CCDC85C: variants seen among roughly 807,000 people sequenced by gnomAD.
CCDC85C encodes coiled-coil domain-containing protein 85C.
A neutral mutation model predicts 38.3 loss-of-function variants in CCDC85C; 18 were observed. The ratio of observed to expected loss-of-function variants is 0.47; its 90% CI spans 0.33 to 0.70. The LOEUF is 0.70. Ranked by LOEUF, CCDC85C falls within the 30% of genes least tolerant of loss-of-function variation. CCDC85C has a pLI of 0.03. For missense variants in CCDC85C, 566 were observed against 621.2 expected (o/e 0.91, Z 0.94); for synonymous variants, 264 against 293.8 (o/e 0.90, Z 1.04).
In CCDC85C at chr14:99,603,336, C is replaced by T. The variant is rs556644050; in HGVS notation, c.624G>A (p.Thr208=). The change falls in exon 1 of 6, where the codon ACG becomes ACA. Residue 208 remains threonine, a synonymous_variant. Transcript: ENST00000380243. This position sits in a 1 kb window ranked among gnomAD's most constrained non-coding sequence, Gnocchi z 7.5. ...GARDVGDGSS[T]SSAGSGGSPD... is the part of the protein sequence containing the mutation. The stretch of plus-strand genomic sequence containing the variant: ...GGCTGCCGCCGCTGCCCGCGCTGGA[C>T]GTACTGCTGCCGTCGCCCACGTCGC... 33 of 1,320,264 alleles carry T rather than the reference C, an allele frequency of 2.5e-5. No individual in the cohort carries two copies. The South Asian group carries it at 4.6e-4, about 18-fold the overall frequency. 81.8% of individuals were successfully genotyped at this position (1,320,264 alleles called of 1,614,324 possible). A position where few individuals can be genotyped will look rare whatever the true frequency, so the allele number is the denominator to read the frequency against.
intron 1 of CCDC85C, among the ~76,000 whole-genome samples, chr14:99,582,204 T>C (rs1312247264): frequency 1.3e-5 from 2 of 152,158 alleles, no homozygotes; most frequent in Non-Finnish European, 2.9e-5. Context: ...CCCCCATCAC[T>C]GTCAGAAAGG....
In CCDC85C at chr14:99,604,062, G is replaced by C; in HGVS notation, c.-103C>G. ...TCCGCGCGCGGGCGGGGGGCGGCCG[G>C]GGGCGCGTGCGGCCCGCCCCGCGCC... On this transcript the variant is annotated 5_prime_UTR_variant, in exon 1 of 6. Coordinates refer to ENST00000380243, the MANE Select transcript of CCDC85C (RefSeq NM_001144995.2). 1 of 975,132 alleles carries C rather than the reference G, an allele frequency of 1.0e-6. No homozygotes were observed. 60.4% of individuals were successfully genotyped at this position (975,132 alleles called of 1,614,324 possible). A position where few individuals can be genotyped will look rare whatever the true frequency, so the allele number is the denominator to read the frequency against.
intron 2 of CCDC85C, among the ~76,000 whole-genome samples, chr14:99,531,587 G>A (rs111570654): frequency 0.013 from 1,677 of 131,038 alleles, 19 homozygotes; most frequent in Non-Finnish European, 0.02. Context: ...CATGGGTGGG[G>A]GGGGGGGTGG....
At chr14:99,582,746 G>A (rs544818111) in intron 1 of CCDC85C, among the ~76,000 whole-genome samples, 83 of 152,242 alleles carry the variant, frequency 5.5e-4, no homozygotes, top group African/African-American at 1.8e-3. Context: ...ACCAGGGGGC[G>A]GAGGTTGCAG....
Position 99,503,260 on chromosome 14 carries a change from C to A in CCDC85C, c.*11986G>T. ...GTTCTGAAGCCTGTCGGTGTCGTTGCCGTGTCCTAGCAGTGTCGTTGTGCA... is the reference window on the plus strand; with the variant it reads ...GTTCTGAAGCCTGTCGGTGTCGTTGACGTGTCCTAGCAGTGTCGTTGTGCA... On this transcript the variant is annotated 3_prime_UTR_variant, in exon 6 of 6. Transcript: ENST00000380243. 1 of 639,850 alleles carries A rather than the reference C, an allele frequency of 1.6e-6. No homozygotes were observed. Among genetic ancestry groups the A allele is most frequent in the Non-Finnish European group, 2.8e-6 (1 of 354,062 alleles). 39.6% of individuals were successfully genotyped at this position (639,850 alleles called of 1,614,324 possible).
At chr14:99,541,125 C>G (rs1409565808) in intron 1 of CCDC85C, among the ~76,000 whole-genome samples, 2 of 152,222 alleles carry the variant, frequency 1.3e-5, no homozygotes, top group Non-Finnish European at 2.9e-5. Flanking sequence ...TTCCCTAGCT[C>G]AGCACTTGGC....
At chr14:99,518,646 C>T (rs535281516) in intron 3 of CCDC85C, among the ~76,000 whole-genome samples, 86 of 152,318 alleles carry the variant, frequency 5.6e-4, no homozygotes, top group Admixed American at 5.6e-3. Context: ...GGCACCTACA[C>T]CTTCCTGCAC....
intron 1 of CCDC85C, among the ~76,000 whole-genome samples, chr14:99,575,270 G>A (rs1898449518): frequency 6.6e-6 from 1 of 152,200 alleles, no homozygotes; most frequent in African/African-American, 2.4e-5. Flanking sequence ...CGCCAGGGGA[G>A]TGCCAAGGCC....
intron 1 of CCDC85C, among the ~76,000 whole-genome samples, chr14:99,563,957 C>T (rs949291517): frequency 1.3e-5 from 2 of 152,314 alleles, no homozygotes; most frequent in Admixed American, 6.5e-5. Context: ...TCAAGCATCG[C>T]TTCAAGTAAG....
intron 1 of CCDC85C, among the ~76,000 whole-genome samples, chr14:99,598,045 C>T (rs186584722): frequency 6.6e-6 from 1 of 152,326 alleles, no homozygotes; most frequent in East Asian, 1.9e-4. Flanking sequence ...CTCTCTGACC[C>T]TGGAGGCAGA....
intron 1 of CCDC85C, among the ~76,000 whole-genome samples, chr14:99,561,175 C>CG (rs1566774302): frequency 6.6e-6 from 1 of 152,204 alleles, no homozygotes; most frequent in African/African-American, 2.4e-5. Flanking sequence ...GCCACATGGC[C>CG]GTAGCGGCCC....
chr14:99,541,388 A>G (rs1022023200), intron 1 of CCDC85C, among the ~76,000 whole-genome samples: 1 of 152,210 alleles, frequency 6.6e-6, no homozygotes, highest in Non-Finnish European at 1.5e-5. Context: ...CGCTCCTTGC[A>G]TCTGACTCTG....
At position 99,503,403 on chromosome 14, in the gene CCDC85C, T is replaced by C. The variant is rs1031048834; in HGVS notation, c.*11843A>G. On this transcript the variant is annotated 3_prime_UTR_variant, in exon 6 of 6. Transcript: ENST00000380243. ...TTCAGGAAAGCTAGTCATTCTGTCT[T>C]ATTTGGTAAATGGAAAGAGGAAGGG... The C allele has an allele frequency of 1.7e-6, 1 of 605,812 alleles. No individual in the cohort carries two copies. Among genetic ancestry groups the C allele is most frequent in the East Asian group, 2.7e-5 (1 of 36,460 alleles). The allele number at this position is 605,812 out of a possible 1,614,324, so 37.5% of individuals were successfully genotyped here. A position where few individuals can be genotyped will look rare whatever the true frequency, so the allele number is the denominator to read the frequency against.
chr14:99,573,315 G>A (rs1398550300), intron 1 of CCDC85C, among the ~76,000 whole-genome samples: 1 of 152,204 alleles, frequency 6.6e-6, no homozygotes, highest in African/African-American at 2.4e-5. Context: ...CTGGTGCATG[G>A]GTCGAGGTGC....
In CCDC85C at chr14:99,548,722, G is replaced by A. The variant is rs778872094; in HGVS notation, c.794-12634C>T. 6.6e-6 allele frequency among the ~76,000 whole-genome samples: 1 copy of A among 152,182 alleles called. No homozygotes were observed. Among genetic ancestry groups the A allele is most frequent in the Non-Finnish European group, 1.5e-5 (1 of 68,034 alleles). On this transcript the variant is annotated intron_variant, in intron 1 of 5. Transcript: ENST00000380243. This position sits in a 1 kb window ranked among gnomAD's most constrained non-coding sequence, Gnocchi z 4.9. ...TATAGTCCCAGGTACTCGGGAGACC[G>A]AGGCGGGAGGCGTGCTGGAGCTCAG...
chr14:99,503,539 C>G lies in CCDC85C; in HGVS notation c.*11707G>C, dbSNP rs1896894581. The G allele has an allele frequency of 7.5e-7, 1 of 1,340,050 alleles. No individual in the cohort carries two copies. 83.0% of individuals were successfully genotyped at this position (1,340,050 alleles called of 1,614,324 possible). On this transcript the variant is annotated 3_prime_UTR_variant, in exon 6 of 6. Coordinates refer to ENST00000380243, the MANE Select transcript of CCDC85C (RefSeq NM_001144995.2). ...ACTGCCGTCGCTGATTCTGGTGGTA[C>G]CTGGATAATCCATTTTTTTCTCATC... is the stretch of plus-strand genomic sequence containing the variant.
At position 99,501,223 on chromosome 14, in the gene CCDC85C, T is replaced by A. The variant is rs904479621; in HGVS notation, c.*14023A>T. The A allele has an allele frequency of 1.0e-5, 7 of 669,868 alleles. No individual in the cohort carries two copies. The African/African-American group carries it at 1.2e-4, about 12-fold the overall frequency. The allele number at this position is 669,868 out of a possible 1,614,324, so 41.5% of individuals were successfully genotyped here. ...GGATGTGGACCCACATCATTCATCC[T>A]TGTTTCCCACGCAAAAGCTCTTTGC... On this transcript the variant is annotated 3_prime_UTR_variant, in exon 6 of 6. Transcript: ENST00000380243.
Position 99,603,555 on chromosome 14 carries a change from C to T in CCDC85C, c.405G>A (p.Glu135=). 7.2e-7 allele frequency: 1 copy of T among 1,395,584 alleles called. No individual in the cohort carries two copies. The highest frequency in any genetic ancestry group is 1.5e-5 in the African/African-American group (1 of 65,794). The allele number at this position is 1,395,584 out of a possible 1,614,324, so 86.5% of individuals were successfully genotyped here. A position where few individuals can be genotyped will look rare whatever the true frequency, so the allele number is the denominator to read the frequency against. ...QKLRELEARQ[E]ALLRENLELK... ...GCTCCAGGTTCTCGCGCAGCAGGGC[C>T]TCCTGGCGCGCCTCGAGCTCGCGCA... Residue 135 remains glutamate (E), a synonymous_variant, in exon 1 of 6, where the codon GAG becomes GAA. Coordinates refer to ENST00000380243, the MANE Select transcript of CCDC85C (RefSeq NM_001144995.2). This position sits in a 1 kb window ranked among gnomAD's most constrained non-coding sequence, Gnocchi z 7.5.
intron 1 of CCDC85C, among the ~76,000 whole-genome samples, chr14:99,566,481 C>T (rs1348882596): frequency 6.6e-6 from 1 of 152,172 alleles, no homozygotes; most frequent in Non-Finnish European, 1.5e-5. Context: ...CACCTCTCCT[C>T]CCCTCCCCTC....
Sources: allele counts gnomAD v4.1 joint callset (sites outside exome capture counted in the v4.1 genomes callset), GRCh38; gene constraint gnomAD v4.1.1; non-coding constraint Gnocchi (gnomAD v3.1); transcripts MANE v1.5; gene names NCBI Gene and HGNC (gene_info 2026-07-23, HGNC 2026-07-21).